ABLIM1: variants seen among roughly 807,000 people sequenced by gnomAD.
The protein encoded by ABLIM1 is actin binding LIM protein 1.
Under a neutral mutation model 107.0 loss-of-function variants are expected in ABLIM1, and 40 were observed. The observed-to-expected ratio is 0.37, with a 90% CI of 0.29 to 0.49. The LOEUF (loss-of-function observed/expected upper bound fraction) is 0.49. ABLIM1 is among the 20% of genes least tolerant of loss of function. ABLIM1 has a pLI of 0.97. For synonymous variants in ABLIM1, 357 were observed against 357.3 expected, an observed-to-expected ratio of 1.00 and a Z score of 0.01; for missense variants, 857 against 1,008.5, an observed-to-expected ratio of 0.85 and a Z score of 2.04.
At chr10:114,704,302 C>CTATATATATATATATATATATATA (rs369952218) in intron 1 of ABLIM1, among the ~76,000 whole-genome samples, 3 of 43,088 alleles carry the variant, frequency 7.0e-5, no homozygotes, top group Non-Finnish European at 1.4e-4. Flanking sequence ...CTCTCTCTCT[C>CTATATATATATATATATATATATA]TATATATATA....
the ABLIM1 span, chr10:114,776,220 G>A: frequency 6.6e-6 from 1 of 151,418 alleles, no homozygotes; most frequent in Admixed American, 6.6e-5. Flanking sequence ...GTTTGAAGAT[G>A]TGTCATTCCA....
intron 1 of ABLIM1, among the ~76,000 whole-genome samples, chr10:114,636,799 G>A (rs2078501331): frequency 1.3e-5 from 2 of 152,102 alleles, no homozygotes; most frequent in Non-Finnish European, 2.9e-5. Flanking sequence ...TTGGGAGGTT[G>A]AGGTGGATGG....
At chr10:114,437,798 G>T in intron 22 of ABLIM1, 46 bp downstream of exon 22, 1 of 1,498,470 alleles carries the variant, frequency 6.7e-7, no homozygotes, top group Non-Finnish European at 9.3e-7. Context: ...TTGGGGGAGT[G>T]CATAGGGATC....
chr10:114,515,078 C>T (rs1171623359), intron 6 of ABLIM1, among the ~76,000 whole-genome samples: 2 of 152,176 alleles, frequency 1.3e-5, no homozygotes, highest in Non-Finnish European at 2.9e-5. Flanking sequence ...TGAGAAGGAG[C>T]GCGTGCATAA....
intron 21 of ABLIM1, among the ~76,000 whole-genome samples, chr10:114,438,207 T>C (rs2059700088): frequency 6.6e-6 from 1 of 152,136 alleles, no homozygotes; most frequent in Non-Finnish European, 1.5e-5. Context: ...TGTATTGGGA[T>C]GAAGGTAAAC....
intron 5 of ABLIM1, among the ~76,000 whole-genome samples, chr10:114,545,545 CA>C (rs1178802783): frequency 2.6e-5 from 4 of 152,132 alleles, no homozygotes; most frequent in African/African-American, 9.7e-5. Context: ...CACCTGAAGG[CA>C]AAACACTAGC....
intron 7 of ABLIM1, among the ~76,000 whole-genome samples, chr10:114,491,035 T>G (rs1200310668): frequency 7.0e-6 from 1 of 143,128 alleles, no homozygotes; most frequent in Non-Finnish European, 1.5e-5. Flanking sequence ...TGGTCTATTT[T>G]ATATATATAT....
At chr10:114,636,179 C>T (rs890254972) in intron 1 of ABLIM1, among the ~76,000 whole-genome samples, 7 of 152,016 alleles carry the variant, frequency 4.6e-5, no homozygotes, top group African/African-American at 7.2e-5. Flanking sequence ...TAAGGAGGTA[C>T]GTAATGACGG....
chr10:114,565,493 T>C (rs746392270), intron 4 of ABLIM1, among the ~76,000 whole-genome samples: 17 of 152,118 alleles, frequency 1.1e-4, no homozygotes, highest in Non-Finnish European at 2.1e-4. Context: ...TCTATGACCA[T>C]CCCATTTCAC....
intron 1 of ABLIM1, among the ~76,000 whole-genome samples, chr10:114,679,597 T>C (rs1232242830): frequency 6.9e-6 from 1 of 144,466 alleles, no homozygotes; most frequent in Non-Finnish European, 1.5e-5. Flanking sequence ...ATCCTGCCAT[T>C]GCACTCCAGC....
At chr10:114,577,463 G>A (rs1465719680) in intron 2 of ABLIM1, among the ~76,000 whole-genome samples, 2 of 152,180 alleles carry the variant, frequency 1.3e-5, no homozygotes, top group African/African-American at 2.4e-5. Context: ...AAGATGTGGT[G>A]TCAAAAGGGT....
At chr10:114,668,604 C>T (rs1320463021) in intron 1 of ABLIM1, among the ~76,000 whole-genome samples, 1 of 152,134 alleles carries the variant, frequency 6.6e-6, no homozygotes, top group Non-Finnish European at 1.5e-5. Context: ...GTATAGGTAG[C>T]TAGGACTACA....
At chr10:114,751,394 C>T (rs1267498817) in intron 1 of ABLIM1, among the ~76,000 whole-genome samples, 4 of 152,096 alleles carry the variant, frequency 2.6e-5, no homozygotes, top group African/African-American at 7.2e-5. Flanking sequence ...ATTCAATAAA[C>T]TTAATGAATA....
chr10:114,646,992 TAATA>T (rs1237937609), intron 1 of ABLIM1, among the ~76,000 whole-genome samples: 3 of 152,066 alleles, frequency 2.0e-5, no homozygotes, highest in Non-Finnish European at 4.4e-5. Flanking sequence ...ATAAATTAAT[TAATA>T]TTTATTTATT....
intron 6 of ABLIM1, among the ~76,000 whole-genome samples, chr10:114,543,028 G>A (rs370903186): frequency 6.6e-6 from 1 of 152,066 alleles, no homozygotes; most frequent in South Asian, 2.1e-4. Flanking sequence ...GTGTGCGGAG[G>A]GTGGGGGCCC....
chr10:114,605,723 C>T (rs2076365133), intron 1 of ABLIM1, among the ~76,000 whole-genome samples: 1 of 152,180 alleles, frequency 6.6e-6, no homozygotes, highest in African/African-American at 2.4e-5. Flanking sequence ...AGCCAAGAGT[C>T]TACCTGCCTG....
At chr10:114,704,321 T>TAG (rs1303691476) in intron 1 of ABLIM1, among the ~76,000 whole-genome samples, 17 of 84,856 alleles carry the variant, frequency 2.0e-4, no homozygotes, top group African/African-American at 6.8e-4. Context: ...TATATATATA[T>TAG]ATATATATAT....
chr10:114,733,786 G>A (rs2082123769), intron 1 of ABLIM1, among the ~76,000 whole-genome samples: 1 of 152,036 alleles, frequency 6.6e-6, no homozygotes, highest in African/African-American at 2.4e-5. Flanking sequence ...AAATGTTTCT[G>A]GCATTTCATT....
chr10:114,733,485 T>C (rs1052031742), intron 1 of ABLIM1, among the ~76,000 whole-genome samples: 5 of 152,184 alleles, frequency 3.3e-5, no homozygotes, highest in Non-Finnish European at 7.3e-5. Context: ...TAATCAGACA[T>C]GCTAAACAAT....
Sources: allele counts gnomAD v4.1 joint callset (sites outside exome capture counted in the v4.1 genomes callset), GRCh38; gene constraint gnomAD v4.1.1; transcripts MANE v1.5; gene names NCBI Gene and HGNC (gene_info 2026-07-23, HGNC 2026-07-21).